POLE: variants seen among roughly 807,000 people sequenced by gnomAD.
The protein encoded by POLE is DNA polymerase epsilon, catalytic subunit, also known as DNA polymerase epsilon catalytic subunit A.
POLE carries 188 observed loss-of-function variants against 279.2 expected under a neutral mutation model. The ratio of observed to expected loss-of-function variants is 0.67; its 90% CI spans 0.60 to 0.76. The LOEUF is 0.76. Ranked by LOEUF, POLE falls within the 30% of genes least tolerant of loss-of-function variation. POLE has a pLI of 0.00. For missense variants in POLE, 2,703 were observed against 3,016.7 expected (o/e 0.90, Z 2.44); for synonymous variants, 1,214 against 1,172.5 (o/e 1.04, Z -0.72).
At chr12:132,654,272 T>A (rs992434081) in intron 29 of POLE, among the ~76,000 whole-genome samples, 1 of 151,916 alleles carries the variant, frequency 6.6e-6, no homozygotes, top group African/African-American at 2.4e-5. Context: ...GGGGTCTCGC[T>A]ATATTGCCCA....
At chr12:132,627,734 C>T (rs932421908) in intron 45 of POLE, among the ~76,000 whole-genome samples, 1 of 152,174 alleles carries the variant, frequency 6.6e-6, no homozygotes, top group African/African-American at 2.4e-5. Flanking sequence ...TTCAGTGAGT[C>T]GCAATCGTTT....
At chr12:132,633,513 A>C (rs1393432515) in intron 43 of POLE, 1 of 152,254 alleles carries the variant, frequency 6.6e-6, no homozygotes, top group Non-Finnish European at 1.5e-5. Flanking sequence ...GAGAACTGAG[A>C]AAGTTAAAGA....
rs140885081 is a variant in POLE at position 132,669,909 on chromosome 12, C to T, written c.1795-970G>A. ...CTTGCGAGGACTTAGGAATCGCTAA[C>T]AGGACAATGTCATCTACAGAGCTCC... is the stretch of plus-strand genomic sequence containing the variant. On this transcript the variant is annotated intron_variant, in intron 16 of 48. Coordinates refer to ENST00000320574, the MANE Select transcript of POLE (RefSeq NM_006231.4). Among the ~76,000 whole-genome samples the T allele has an allele frequency of 1.7e-3, 264 of 152,308 alleles. 1 individual carries two copies. The highest frequency in any genetic ancestry group is 6.1e-3 in the African/African-American group (253 of 41,566).
rs773659817 is a variant in POLE, at chr12:132,638,123, T to C, written c.5569A>G (p.Lys1857Glu). ...TAGATGACTGATGACCCCAGGCGCTTGAACTCAGCGATGAGCCTGTGGAGC... is the reference window on the plus strand; with the variant it reads ...TAGATGACTGATGACCCCAGGCGCTCGAACTCAGCGATGAGCCTGTGGAGC... ...KLFLQLIAEF[K>E]RLGSSVIYAN... Residue 1857 changes from lysine to glutamate, a missense_variant, in exon 41 of 49, where the codon AAG (lysine) becomes GAG (glutamate). Transcript: ENST00000320574. The C allele has an allele frequency of 6.2e-7, 1 of 1,613,766 alleles. No individual in the cohort carries two copies. The highest frequency in any genetic ancestry group is 1.7e-5 in the Admixed American group (1 of 59,974).
At chr12:132,633,196 T>A (rs1445636346) in intron 43 of POLE, 2 of 169,808 alleles carry the variant, frequency 1.2e-5, no homozygotes, top group Admixed American at 5.7e-5. Flanking sequence ...ACAGTTTCAT[T>A]CTTGTTGCCC....
rs202176361 is a variant in POLE at position 132,643,007 on chromosome 12, G to A, written c.4552-11C>T. The A allele has an allele frequency of 2.8e-5, 44 of 1,582,200 alleles. No homozygotes were observed. The highest frequency in any genetic ancestry group is 4.5e-5 in the East Asian group (2 of 44,560). ...CTGGTTGCTGCGCACCTAGACCAACGCAGGCCACGTCAGCCTCCCCCTGCG... is the reference window on the plus strand; with the variant it reads ...CTGGTTGCTGCGCACCTAGACCAACACAGGCCACGTCAGCCTCCCCCTGCG... On this transcript the variant is annotated splice_polypyrimidine_tract_variant and intron_variant, in intron 35 of 48. Coordinates refer to ENST00000320574, the MANE Select transcript of POLE (RefSeq NM_006231.4).
rs758891352 is a variant in POLE at position 132,657,948 on chromosome 12, G to A, written c.3298C>T (p.Gln1100Ter). 2.5e-6 allele frequency: 4 copies of A among 1,613,744 alleles called. No individual in the cohort carries two copies. The highest frequency in any genetic ancestry group is 3.4e-6 in the Non-Finnish European group (4 of 1,179,644). Residue 1100 changes from glutamine to a stop codon, truncating the protein, a stop_gained, in exon 27 of 49, where the codon CAA (glutamine) becomes TAA (stop). Transcript: ENST00000320574. LOFTEE classifies it high-confidence loss of function. Reference protein sequence around the residue: ...TERAIPLAIFQAEPTVRKHFL... With the variant: ...TERAIPLAIF ...TGCTTCCTCACCGTGGGCTCTGCTT[G>A]GAAAATGGCAAGTGGGATGGCCCTG...
At chr12:132,677,292 T>C in intron 8 of POLE, 71 bp downstream of exon 8, 1 of 1,054,138 alleles carries the variant, frequency 9.5e-7, no homozygotes, top group Non-Finnish European at 1.5e-6. Context: ...AGATTCACTC[T>C]CCAGCACTGA....
At chr12:132,638,797 C>A (rs2042083734) in intron 40 of POLE, 2 of 290,234 alleles carry the variant, frequency 6.9e-6, no homozygotes, top group Non-Finnish European at 1.3e-5. Flanking sequence ...AATGTTCTTT[C>A]ATATGGCATG....
At chr12:132,651,867 CG>C (rs1454245374) in intron 29 of POLE, among the ~76,000 whole-genome samples, 1 of 152,040 alleles carries the variant, frequency 6.6e-6, no homozygotes, top group Non-Finnish European at 1.5e-5. Flanking sequence ...GGAGGGAGCT[CG>C]GAAGTGGCTC....
rs1593719608 is a variant in POLE, at chr12:132,638,053, A to G, written c.5639T>C (p.Val1880Ala). 15 of 1,614,098 alleles carry G rather than the reference A, an allele frequency of 9.3e-6. No homozygotes were observed. Among genetic ancestry groups the G allele is most frequent in the Non-Finnish European group, 1.3e-5 (15 of 1,179,986 alleles). The change falls in exon 41 of 49, where the codon GTG becomes GCG. Residue 1880 changes from valine (V) to alanine (A), a missense_variant. Physicochemically the swap from Val to Ala is moderately conservative, Grantham distance 64. Around this residue, in one of 5 missense-constraint regions of POLE, gnomAD observed 1,551 missense variants for 1,686.1 expected, o/e 0.92. Coordinates refer to ENST00000320574, the MANE Select transcript of POLE (RefSeq NM_006231.4). ...RIILCTKKRR[V>A]EDAIAYVEYI... is the part of the protein sequence containing the mutation. ...CTCCACGTAAGCGATGGCATCTTCCACACGGCGCTTCTTTGTACAGAGGAT... is the reference window on the plus strand; with the variant it reads ...CTCCACGTAAGCGATGGCATCTTCCGCACGGCGCTTCTTTGTACAGAGGAT...
rs759795841 is a variant in POLE, at chr12:132,626,152, C to T, written c.6496G>A (p.Asp2166Asn). The T allele has an allele frequency of 1.7e-5, 28 of 1,608,792 alleles. No individual in the cohort carries two copies. The South Asian group carries it at 1.9e-4, about 11-fold the overall frequency. Residue 2166 changes from aspartate to asparagine, a missense_variant, in exon 46 of 49, where the codon GAC (aspartate) becomes AAC (asparagine). Asp to Asn is a conservative substitution (Grantham distance 23, BLOSUM62 1). This residue lies in a region of POLE where 1,551 missense variants were observed against 1,686.1 expected (regional missense o/e 0.92). Transcript: ENST00000320574. ...GAAGAGTCTTTACACAGGTCCAGGT[C>T]GCGGCAGAAGTTACAGCTGCGGCAG... ...VICRSCNFCRDLDLCKDSSFS... is the reference protein window; with the variant it reads ...VICRSCNFCRNLDLCKDSSFS...
intron 46 of POLE, 30 bp from the exon 47 acceptor site, chr12:132,625,800 C>T: frequency 6.2e-7 from 1 of 1,602,044 alleles, no homozygotes; most frequent in Non-Finnish European, 8.5e-7. Context: ...GAGAGGTCAC[C>T]AGCCCAGCCT....
intron 44 of POLE, 27 bp downstream of exon 44, chr12:132,632,637 G>A: frequency 6.2e-7 from 1 of 1,613,724 alleles, no homozygotes; most frequent in East Asian, 2.2e-5. Context: ...ACATGGCAGT[G>A]GCCTCAAAAG....
chr12:132,658,880 C>A (rs1380140300), intron 26 of POLE, among the ~76,000 whole-genome samples: 5 of 12,038 alleles, frequency 4.2e-4, no homozygotes, highest in South Asian at 2.1e-3. Context: ...TATATAACCA[C>A]CAAAAAAAAA....
chr12:132,649,780 C>T lies in POLE; in HGVS notation c.3692G>A (p.Arg1231Lys), dbSNP rs1271903915. ...CTGGCTCTCCCAAAGAACTCGCTTC[C>T]TCTTCACAGTGACAGGGGCTGCTGG... ...PHPAAPVTVKRKRVLWESQEE... is the reference protein window; with the variant it reads ...PHPAAPVTVKKKRVLWESQEE... Residue 1231 changes from arginine to lysine, a missense_variant, in exon 30 of 49, where the codon AGG (arginine) becomes AAG (lysine). By Grantham distance (26) the Arg-to-Lys change is conservative. Around this residue, in one of 5 missense-constraint regions of POLE, gnomAD observed 1,551 missense variants for 1,686.1 expected, o/e 0.92. Coordinates refer to ENST00000320574, the MANE Select transcript of POLE (RefSeq NM_006231.4). 6.2e-7 allele frequency: 1 copy of T among 1,614,104 alleles called. No individual in the cohort carries two copies. The highest frequency in any genetic ancestry group is 1.3e-5 in the African/African-American group (1 of 74,930).
At chr12:132,644,693 G>A (rs1353429410) in intron 32 of POLE, among the ~76,000 whole-genome samples, 4 of 151,524 alleles carry the variant, frequency 2.6e-5, no homozygotes, top group Non-Finnish European at 5.9e-5. Flanking sequence ...GGGGCTCTGG[G>A]AGAGCTGGAG....
chr12:132,675,402 G>A lies in POLE; in HGVS notation c.1222C>T (p.Leu408Phe). The A allele has an allele frequency of 6.2e-7, 1 of 1,614,062 alleles. No homozygotes were observed. Among genetic ancestry groups the A allele is most frequent in the Middle Eastern group, 1.7e-4 (1 of 6,058 alleles). The change falls in exon 12 of 49, where the codon CTC (leucine) becomes TTC (phenylalanine). Residue 408 changes from leucine to phenylalanine, a missense_variant. By Grantham distance (22) the Leu-to-Phe change is conservative. Coordinates refer to ENST00000320574, the MANE Select transcript of POLE (RefSeq NM_006231.4). This position sits in a 1 kb window ranked among gnomAD's most constrained non-coding sequence, Gnocchi z 4.3. Reference sequence around the variant, plus strand: ...ATGCTGCTCTGTGGCCCCTACCTGAGGCAGTCCATGTGGATGCACTGGGGC... The same window carrying A: ...ATGCTGCTCTGTGGCCCCTACCTGAAGCAGTCCATGTGGATGCACTGGGGC... ...KAPQCIHMDC[L>F]RWVKRDSYLP...
chr12:132,649,464 C>T lies in POLE; in HGVS notation c.3847G>A (p.Ala1283Thr), dbSNP rs1565946083. The T allele has an allele frequency of 6.2e-7, 1 of 1,612,078 alleles. No individual in the cohort carries two copies. The highest frequency in any genetic ancestry group is 1.3e-5 in the African/African-American group (1 of 74,914). The change falls in exon 31 of 49, where the codon GCC becomes ACC. Residue 1283 changes from alanine to threonine, a missense_variant. Coordinates refer to ENST00000320574, the MANE Select transcript of POLE (RefSeq NM_006231.4). ...RFHKKKWQLQ[A>T]RQRLARRKRQ... ...TTCCTGCGGGCGAGGCGCTGCCGGG[C>T]CTGCAGCTGCCACTTCTTCTTGTGG...
Sources: gnomAD v4.1 joint callset for allele counts (sites outside exome capture counted in the v4.1 genomes callset) on GRCh38, gnomAD v4.1.1 for gene constraint, gnomAD v4.1.1 regional missense constraint, Gnocchi (gnomAD v3.1) non-coding constraint, MANE v1.5 for transcripts, NCBI Gene and HGNC (gene_info 2026-07-23, HGNC 2026-07-21) for gene names.